DRC11: variants seen among roughly 807,000 people sequenced by gnomAD.
The protein encoded by DRC11 is IQ and AAA domain-containing protein 1.
chr2:236,423,903 G>A, the DRC11 span, among the ~76,000 whole-genome samples: 1 of 152,076 alleles, frequency 6.6e-6, no homozygotes, highest in Admixed American at 6.6e-5. Context: ...CCTTTGAAGG[G>A]ACATGGATGA....
At chr2:236,504,386 T>C in the DRC11 span, among the ~76,000 whole-genome samples, 1 of 152,240 alleles carries the variant, frequency 6.6e-6, no homozygotes, top group Non-Finnish European at 1.5e-5. The surrounding 1 kb of genome is among the most constrained non-coding windows in gnomAD (Gnocchi z 5.0). Flanking sequence ...TCTTTGCTGC[T>C]GTGAGTAATG....
At chr2:236,475,884 T>C in the DRC11 span, among the ~76,000 whole-genome samples, 1 of 152,210 alleles carries the variant, frequency 6.6e-6, no homozygotes, top group Non-Finnish European at 1.5e-5. This position sits in a 1 kb window ranked among gnomAD's most constrained non-coding sequence, Gnocchi z 4.8. Flanking sequence ...TGGCTGTAAA[T>C]GCATGGATTT....
chr2:236,409,404 CTGTT>C, the DRC11 span, among the ~76,000 whole-genome samples: 3 of 152,052 alleles, frequency 2.0e-5, no homozygotes, highest in Admixed American at 1.3e-4. Flanking sequence ...ATTTGGCTCT[CTGTT>C]TGTCTGTTGT....
chr2:236,332,655 G>A, the DRC11 span: 1 of 152,300 alleles, frequency 6.6e-6, no homozygotes, highest in African/African-American at 2.4e-5. The surrounding 1 kb of genome is among the most constrained non-coding windows in gnomAD (Gnocchi z 5.1). Context: ...CATCACACAA[G>A]TATGTTGATC....
the DRC11 span, among the ~76,000 whole-genome samples, chr2:236,403,966 T>C: frequency 6.6e-6 from 1 of 151,772 alleles, no homozygotes; most frequent in Non-Finnish European, 1.5e-5. Context: ...CACACACACG[T>C]TTCCCCGAAT....
At chr2:236,474,182 T>C in the DRC11 span, among the ~76,000 whole-genome samples, 1 of 151,948 alleles carries the variant, frequency 6.6e-6, no homozygotes, top group Non-Finnish European at 1.5e-5. Flanking sequence ...ACAATTTCAA[T>C]AGAATATGTA....
At chr2:236,441,182 C>G in the DRC11 span, 1 of 1,138,894 alleles carries the variant, frequency 8.8e-7, no homozygotes, top group Non-Finnish European at 1.3e-6. Context: ...TGTTATATAC[C>G]CCATTTATTT....
At chr2:236,459,600 CATATATACGTATATAA>C in the DRC11 span, among the ~76,000 whole-genome samples, 1 of 102,634 alleles carries the variant, frequency 9.7e-6, no homozygotes, top group African/African-American at 3.5e-5. Flanking sequence ...TATACGTATA[CATATATACGTATATAA>C]GTATATACAT....
At chr2:236,359,025 C>T in the DRC11 span, among the ~76,000 whole-genome samples, 37 of 151,552 alleles carry the variant, frequency 2.4e-4, no homozygotes, top group African/African-American at 8.8e-4. The surrounding 1 kb of genome is among the most constrained non-coding windows in gnomAD (Gnocchi z 4.3). Context: ...TCCGCCTTGC[C>T]AGTGAGAATG....
chr2:236,372,557 T>C, the DRC11 span, among the ~76,000 whole-genome samples: 3 of 152,148 alleles, frequency 2.0e-5, no homozygotes, highest in Non-Finnish European at 4.4e-5. The surrounding 1 kb of genome is among the most constrained non-coding windows in gnomAD (Gnocchi z 4.5). Context: ...ACTTTTTTTT[T>C]CCTAAACAGG....
the DRC11 span, among the ~76,000 whole-genome samples, chr2:236,341,435 G>C: frequency 6.6e-6 from 1 of 152,356 alleles, no homozygotes; most frequent in South Asian, 2.1e-4. Flanking sequence ...AAAAGTGGCA[G>C]GGGTTGGAGT....
chr2:236,371,499 AAGCTCCCAGCTGTGCAAG>A, the DRC11 span, among the ~76,000 whole-genome samples: 1 of 152,162 alleles, frequency 6.6e-6, no homozygotes, highest in Non-Finnish European at 1.5e-5. This position sits in a 1 kb window ranked among gnomAD's most constrained non-coding sequence, Gnocchi z 5.1. Flanking sequence ...GATCAGGAAG[AAGCTCCCAGCTGTGCAAG>A]AGCCCAGTAC....
At chr2:236,403,953 T>G in the DRC11 span, among the ~76,000 whole-genome samples, 1 of 152,034 alleles carries the variant, frequency 6.6e-6, no homozygotes, top group African/African-American at 2.4e-5. Context: ...TCCCTGTAAC[T>G]GTCACACACA....
the DRC11 span, among the ~76,000 whole-genome samples, chr2:236,337,330 C>T: frequency 6.6e-6 from 1 of 152,166 alleles, no homozygotes; most frequent in Non-Finnish European, 1.5e-5. This position sits in a 1 kb window ranked among gnomAD's most constrained non-coding sequence, Gnocchi z 4.9. Context: ...CCAGCTTCCC[C>T]TGCCGTTCAC....
chr2:236,374,857 ATTT>A, the DRC11 span, among the ~76,000 whole-genome samples: 19 of 125,938 alleles, frequency 1.5e-4, no homozygotes, highest in African/African-American at 5.0e-4. Context: ...TGCCTGGCTA[ATTT>A]TTTTTTTTTT....
chr2:236,343,686 C>T, the DRC11 span: 3 of 1,298,384 alleles, frequency 2.3e-6, no homozygotes, highest in Admixed American at 6.9e-5. The surrounding 1 kb of genome is among the most constrained non-coding windows in gnomAD (Gnocchi z 6.6). Context: ...TCATTCCTGC[C>T]ATCCATTTTG....
the DRC11 span, among the ~76,000 whole-genome samples, chr2:236,357,566 A>G: frequency 1.6e-5 from 2 of 122,974 alleles, no homozygotes; most frequent in Non-Finnish European, 3.2e-5. Flanking sequence ...ATTTACATAT[A>G]TGCATAGTTA....
At chr2:236,336,346 A>G in the DRC11 span, among the ~76,000 whole-genome samples, 2 of 152,122 alleles carry the variant, frequency 1.3e-5, no homozygotes, top group African/African-American at 4.8e-5. This position sits in a 1 kb window ranked among gnomAD's most constrained non-coding sequence, Gnocchi z 7.3. Flanking sequence ...TGCGGTGCTC[A>G]CGTGATTGGA....
chr2:236,337,291 A>G, the DRC11 span, among the ~76,000 whole-genome samples: 1 of 152,230 alleles, frequency 6.6e-6, no homozygotes, highest in East Asian at 1.9e-4. This position sits in a 1 kb window ranked among gnomAD's most constrained non-coding sequence, Gnocchi z 4.9. Flanking sequence ...ACACAGCACT[A>G]GATAGCAGAA....
Sources: gnomAD v4.1 joint callset for allele counts (sites outside exome capture counted in the v4.1 genomes callset) on GRCh38, gnomAD v4.1.1 for gene constraint, Gnocchi (gnomAD v3.1) non-coding constraint, MANE v1.5 for transcripts, NCBI Gene and HGNC (gene_info 2026-07-23, HGNC 2026-07-21) for gene names.